Variants in VPS13B observed in about 807,000 individuals in gnomAD.
VPS13B encodes the protein vacuolar protein sorting 13 homolog B.
In VPS13B, 285 loss-of-function variants were observed where a neutral mutation model predicts 426.4. That is an observed-to-expected ratio of 0.67 (90% CI 0.61 to 0.74). The LOEUF (loss-of-function observed/expected upper bound fraction) is 0.74, where lower values mean the gene tolerates loss of function less well. Among genes scored for constraint, VPS13B ranks in the 30% least tolerant of loss-of-function variants. The pLI, the probability that VPS13B is intolerant of heterozygous loss-of-function variation, is 0.00. For missense variants in VPS13B, 4,537 were observed against 4,782.6 expected (o/e 0.95, Z 1.51); for synonymous variants, 1,676 against 1,676.4 (o/e 1.00, Z 0.01).
intron 39 of VPS13B, among the ~76,000 whole-genome samples, chr8:99,731,415 G>A (rs1449074518): frequency 6.6e-6 from 1 of 152,192 alleles, no homozygotes; most frequent in African/African-American, 2.4e-5. Flanking sequence ...AGCAAGTTAA[G>A]GGAGTAAAAC....
intron 19 of VPS13B, among the ~76,000 whole-genome samples, chr8:99,328,096 C>T (rs561577744): frequency 6.6e-6 from 1 of 152,292 alleles, no homozygotes; most frequent in East Asian, 1.9e-4. Flanking sequence ...TGTACACCAT[C>T]TCATGTCAGA....
intron 4 of VPS13B, among the ~76,000 whole-genome samples, chr8:99,102,413 G>T (rs1846803146): frequency 6.6e-6 from 1 of 151,894 alleles, no homozygotes; most frequent in Non-Finnish European, 1.5e-5. Flanking sequence ...ATTAGTAAGT[G>T]AGTAGAGTTG....
intron 4 of VPS13B, among the ~76,000 whole-genome samples, chr8:99,101,314 A>G (rs1846732158): frequency 6.6e-6 from 1 of 151,924 alleles, no homozygotes; most frequent in Non-Finnish European, 1.5e-5. Context: ...TTGTATTTTT[A>G]GTAGAGACAG....
At chr8:99,096,584 T>C (rs1588031566) in intron 4 of VPS13B, 152 bp downstream of exon 4, 4 of 1,111,356 alleles carry the variant, frequency 3.6e-6, no homozygotes, top group South Asian at 1.4e-5. Flanking sequence ...GGTGAAGCCA[T>C]GTCTCTGCTA....
At chr8:99,125,651 A>G (rs1418373340) in intron 8 of VPS13B, among the ~76,000 whole-genome samples, 1 of 152,186 alleles carries the variant, frequency 6.6e-6, no homozygotes, top group African/African-American at 2.4e-5. Flanking sequence ...GTTAGTGCTT[A>G]ATAGGTTCAG....
At chr8:99,480,761 A>G (rs1819994040) in intron 24 of VPS13B, among the ~76,000 whole-genome samples, 1 of 152,248 alleles carries the variant, frequency 6.6e-6, no homozygotes, top group Admixed American at 6.5e-5. Flanking sequence ...CCCACATAAG[A>G]AGCCAGCTTC....
At chr8:99,056,000 C>A (rs1177573800) in intron 3 of VPS13B, among the ~76,000 whole-genome samples, 2 of 150,418 alleles carry the variant, frequency 1.3e-5, no homozygotes, top group Non-Finnish European at 3.0e-5. Flanking sequence ...CTTGTCCTCC[C>A]AAGGTGCTGG....
chr8:99,033,579 G>C (rs1339750308), intron 2 of VPS13B, among the ~76,000 whole-genome samples: 2 of 151,878 alleles, frequency 1.3e-5, no homozygotes, highest in Non-Finnish European at 2.9e-5. Flanking sequence ...AATCACTGTT[G>C]TCATATGTTT....
intron 25 of VPS13B, among the ~76,000 whole-genome samples, chr8:99,499,845 G>C (rs1338790539): frequency 6.6e-6 from 1 of 152,138 alleles, no homozygotes; most frequent in East Asian, 1.9e-4. Context: ...ACTTTGCTAT[G>C]CTTGGTGCCT....
At chr8:99,110,171 AT>A (rs1644698287) in intron 5 of VPS13B, among the ~76,000 whole-genome samples, 1 of 152,172 alleles carries the variant, frequency 6.6e-6, no homozygotes. Flanking sequence ...ATAAAATAAA[AT>A]GTTGAATTAA....
At chr8:99,645,335 T>C (rs1176694999) in intron 34 of VPS13B, among the ~76,000 whole-genome samples, 1 of 152,214 alleles carries the variant, frequency 6.6e-6, no homozygotes, top group Non-Finnish European at 1.5e-5. Flanking sequence ...GTACTTAGCA[T>C]TGAGCCAGCA....
chr8:99,811,976 A>G (rs936696733), intron 44 of VPS13B, among the ~76,000 whole-genome samples: 3 of 152,208 alleles, frequency 2.0e-5, no homozygotes, highest in Non-Finnish European at 2.9e-5. Flanking sequence ...GTATTATAAC[A>G]ATAGTGACTC....
chr8:99,602,823 G>C (rs567505507), intron 33 of VPS13B, among the ~76,000 whole-genome samples: 2 of 152,200 alleles, frequency 1.3e-5, no homozygotes, highest in South Asian at 4.2e-4. Flanking sequence ...AACTTATAAG[G>C]GATGTGAAGG....
chr8:99,384,114 T>A (rs1290577942), intron 19 of VPS13B, 94 bp from the exon 20 acceptor site: 1 of 1,020,658 alleles, frequency 9.8e-7, no homozygotes, highest in Non-Finnish European at 1.5e-6. Flanking sequence ...TGTTTGTCTG[T>A]TATGTCATAG....
At chr8:99,128,475 A>C (rs1002544640) in intron 8 of VPS13B, among the ~76,000 whole-genome samples, 1 of 147,666 alleles carries the variant, frequency 6.8e-6, no homozygotes, top group African/African-American at 2.5e-5. Context: ...GTTTTCTACA[A>C]ATATTTATTT....
chr8:99,440,960 T>A (rs940500089), intron 22 of VPS13B, among the ~76,000 whole-genome samples: 5 of 152,060 alleles, frequency 3.3e-5, no homozygotes, highest in South Asian at 2.1e-4. Flanking sequence ...ATTGTGCAAC[T>A]GAAAATTACT....
chr8:99,103,955 T>C (rs569733759), intron 5 of VPS13B, among the ~76,000 whole-genome samples: 1 of 152,326 alleles, frequency 6.6e-6, no homozygotes, highest in Admixed American at 6.5e-5. Flanking sequence ...TTTTTAATAC[T>C]TTTAATTTTC....
intron 33 of VPS13B, among the ~76,000 whole-genome samples, chr8:99,580,777 C>T (rs1192494564): frequency 6.6e-6 from 1 of 151,518 alleles, no homozygotes; most frequent in Admixed American, 6.6e-5. Flanking sequence ...ACTTGAGCCC[C>T]AGAGGTCAAG....
At chr8:99,123,742 A>G (rs958514758) in intron 8 of VPS13B, among the ~76,000 whole-genome samples, 22 of 152,224 alleles carry the variant, frequency 1.4e-4, no homozygotes, top group Non-Finnish European at 2.8e-4. Flanking sequence ...AGATTTTATT[A>G]TGAGACATGA....
Sources: gnomAD v4.1 joint callset for allele counts (sites outside exome capture counted in the v4.1 genomes callset) on GRCh38, gnomAD v4.1.1 for gene constraint, MANE v1.5 for transcripts, NCBI Gene and HGNC (gene_info 2026-07-23, HGNC 2026-07-21) for gene names.